SAMMSON: variants seen among roughly 807,000 people sequenced by gnomAD.
SAMMSON encodes survival associated mitochondrial melanoma specific oncogenic non-coding RNA.
At chr3:70,288,735 A>T (rs9882525) in intron 6 of SAMMSON, among the ~76,000 whole-genome samples, 1 of 150,850 alleles carries the variant, frequency 6.6e-6, no homozygotes, top group South Asian at 2.1e-4. Flanking sequence ...TTATGAATCT[A>T]GGTGCTCCTG....
intron 4 of SAMMSON, among the ~76,000 whole-genome samples, chr3:70,187,903 C>A (rs7628437): frequency 0.71 from 108,037 of 151,862 alleles, 39,428 homozygotes; most frequent in Non-Finnish European, 0.79. Context: ...GGTAGGAGTC[C>A]ATGCGGTTCA....
chr3:70,121,489 T>C (rs1230834899), intron 4 of SAMMSON, among the ~76,000 whole-genome samples: 1 of 152,196 alleles, frequency 6.6e-6, no homozygotes, highest in Non-Finnish European at 1.5e-5. Flanking sequence ...CACATTTACT[T>C]TAAAGAATTT....
intron 6 of SAMMSON, among the ~76,000 whole-genome samples, chr3:70,285,710 C>G (rs201493069): frequency 0.046 from 6,839 of 150,284 alleles, 231 homozygotes; most frequent in African/African-American, 0.083. Context: ...CACATCCTCT[C>G]CAGCACCTGT....
At chr3:70,238,192 A>G (rs1701631374) in intron 4 of SAMMSON, among the ~76,000 whole-genome samples, 1 of 151,682 alleles carries the variant, frequency 6.6e-6, no homozygotes, top group Non-Finnish European at 1.5e-5. Context: ...CATAGCACCA[A>G]TCCAGGCGTT....
At chr3:70,423,006 T>C (rs1381482289) in intron 2 of SAMMSON, among the ~76,000 whole-genome samples, 3 of 151,980 alleles carry the variant, frequency 2.0e-5, no homozygotes, top group Non-Finnish European at 4.4e-5. Context: ...TATAATGAAG[T>C]TGTAAAAAAC....
chr3:70,126,097 T>A, intron 4 of SAMMSON: 6 of 1,238,976 alleles, frequency 4.8e-6, no homozygotes, highest in Non-Finnish European at 6.9e-6. Context: ...TGCCAAAGCA[T>A]TTACTCTGTT....
At chr3:70,370,731 A>T (rs1702962248) in intron 9 of SAMMSON, among the ~76,000 whole-genome samples, 1 of 151,942 alleles carries the variant, frequency 6.6e-6, no homozygotes, top group Non-Finnish European at 1.5e-5. Flanking sequence ...TTTGTCAGAT[A>T]GATAGTTTGC....
chr3:70,275,183 C>T (rs191810553), intron 6 of SAMMSON, among the ~76,000 whole-genome samples: 261 of 152,116 alleles, frequency 1.7e-3, no homozygotes, highest in Non-Finnish European at 2.7e-3. Context: ...AAACTATTGC[C>T]TGTTTTATAT....
intron 4 of SAMMSON, among the ~76,000 whole-genome samples, chr3:70,163,623 T>C (rs986848239): frequency 3.3e-5 from 5 of 151,984 alleles, no homozygotes; most frequent in African/African-American, 9.6e-5. Context: ...TTTAAAGACC[T>C]TGGGCAAAAG....
chr3:70,334,681 C>T (rs1470844132), intron 7 of SAMMSON, among the ~76,000 whole-genome samples: 2 of 152,176 alleles, frequency 1.3e-5, no homozygotes, highest in East Asian at 3.9e-4. Context: ...CACAACAACC[C>T]TGTAAGCTAA....
intron 7 of SAMMSON, among the ~76,000 whole-genome samples, chr3:70,321,721 A>G (rs569690126): frequency 6.6e-6 from 1 of 152,174 alleles, no homozygotes; most frequent in East Asian, 1.9e-4. Context: ...TTACCTTTAA[A>G]AAACTAGCTG....
At chr3:70,108,798 A>G (rs1576123983) in intron 4 of SAMMSON, among the ~76,000 whole-genome samples, 1 of 151,972 alleles carries the variant, frequency 6.6e-6, no homozygotes, top group Non-Finnish European at 1.5e-5. Flanking sequence ...AATGAAACCA[A>G]CCTTGCTGGC....
At chr3:70,145,049 C>T (rs1299609166) in intron 4 of SAMMSON, among the ~76,000 whole-genome samples, 2 of 152,106 alleles carry the variant, frequency 1.3e-5, no homozygotes, top group African/African-American at 4.8e-5. Context: ...ACCCATCTTT[C>T]TCCCCTTACC....
At chr3:70,199,513 G>A (rs1701215033) in intron 4 of SAMMSON, among the ~76,000 whole-genome samples, 1 of 152,044 alleles carries the variant, frequency 6.6e-6, no homozygotes, top group South Asian at 2.1e-4. Flanking sequence ...GTTTTAAAAG[G>A]CAGAGTCTCT....
At chr3:70,127,973 T>C (rs2067466477) in intron 4 of SAMMSON, among the ~76,000 whole-genome samples, 1 of 152,316 alleles carries the variant, frequency 6.6e-6, no homozygotes, top group South Asian at 2.1e-4. Context: ...TAGTTCATAC[T>C]CTGGAGTACA....
intron 4 of SAMMSON, among the ~76,000 whole-genome samples, chr3:70,218,021 G>A (rs1559537629): frequency 6.6e-6 from 1 of 152,136 alleles, no homozygotes; most frequent in African/African-American, 2.4e-5. Flanking sequence ...GAACAGAGGA[G>A]CAAATCATAT....
downstream of SAMMSON, among the ~76,000 whole-genome samples, chr3:70,391,641 A>G (rs1701049977): frequency 6.6e-6 from 1 of 152,124 alleles, no homozygotes; most frequent in Non-Finnish European, 1.5e-5. Context: ...TTCCTATTTT[A>G]ATAATTAATT....
chr3:70,174,884 A>G (rs1700997899), intron 4 of SAMMSON, among the ~76,000 whole-genome samples: 1 of 152,036 alleles, frequency 6.6e-6, no homozygotes, highest in African/African-American at 2.4e-5. Flanking sequence ...CAATTCTAAC[A>G]TATTTTCATG....
chr3:70,337,729 C>G (rs916645274), intron 7 of SAMMSON, among the ~76,000 whole-genome samples: 1 of 151,730 alleles, frequency 6.6e-6, no homozygotes, highest in Non-Finnish European at 1.5e-5. Flanking sequence ...AAATATGATT[C>G]TCTAAATGAA....
Sources: gnomAD v4.1 joint callset for allele counts (sites outside exome capture counted in the v4.1 genomes callset) on GRCh38, gnomAD v4.1.1 for gene constraint, MANE v1.5 for transcripts, NCBI Gene and HGNC (gene_info 2026-07-23, HGNC 2026-07-21) for gene names.